HIKESHI: variants seen among roughly 807,000 people sequenced by gnomAD.
The protein encoded by HIKESHI is heat shock protein nuclear import factor hikeshi.
A neutral mutation model predicts 25.7 loss-of-function variants in HIKESHI; 13 were observed. The ratio of observed to expected loss-of-function variants is 0.51; its 90% confidence interval spans 0.33 to 0.80. HIKESHI has a LOEUF of 0.80. Ranked by LOEUF, HIKESHI falls within the 30% of genes least tolerant of loss-of-function variation. The pLI, the probability that HIKESHI is intolerant of heterozygous loss-of-function variation, is 0.02. For synonymous variants in HIKESHI, 76 were observed against 78.7 expected (o/e 0.97, Z 0.18); for missense variants, 174 against 229.5 (o/e 0.76, Z 1.56).
chr11:86,341,940 A>G (rs919958937), intron 3 of HIKESHI, among the ~76,000 whole-genome samples: 3 of 152,232 alleles, frequency 2.0e-5, no homozygotes, highest in Non-Finnish European at 2.9e-5. Context: ...ATGTTGATAC[A>G]TGGAATATAC....
intron 2 of HIKESHI, among the ~76,000 whole-genome samples, chr11:86,311,905 A>T (rs778009030): frequency 3.3e-5 from 5 of 152,116 alleles, no homozygotes; most frequent in Non-Finnish European, 7.4e-5. Flanking sequence ...TCTAGTTTGA[A>T]TGCCCTGTGG....
At position 86,311,021 on chromosome 11, in the gene HIKESHI, C is replaced by A. The variant is rs191187512; in HGVS notation, c.268+4539C>A. Reference sequence around the variant, plus strand: ...TCATCAGGGTTATTGGTCTAAAATTCTCTTTTTTTGTTGTCTCTGCTAGGC... The same window carrying A: ...TCATCAGGGTTATTGGTCTAAAATTATCTTTTTTTGTTGTCTCTGCTAGGC... On this transcript the variant is annotated intron_variant, in intron 2 of 4. Transcript: ENST00000278483. 6.3e-3 allele frequency among the ~76,000 whole-genome samples: 960 copies of A among 152,216 alleles called. 6 individuals carry two copies. The highest frequency in any genetic ancestry group is 0.022 in the African/African-American group (913 of 41,528).
At chr11:86,345,513 C>A in intron 4 of HIKESHI, 71 bp from the exon 5 acceptor site, 1 of 843,394 alleles carries the variant, frequency 1.2e-6, no homozygotes, top group South Asian at 1.6e-5. Context: ...TTGGATAAGT[C>A]ATTTGGCAGT....
chr11:86,308,618 G>A (rs1335022405), intron 2 of HIKESHI, among the ~76,000 whole-genome samples: 2 of 125,190 alleles, frequency 1.6e-5, no homozygotes, highest in Non-Finnish European at 3.3e-5. Flanking sequence ...TGTGCAGAAC[G>A]TGCAGGTTCA....
chr11:86,302,714 C>T (rs982664058), intron 1 of HIKESHI, among the ~76,000 whole-genome samples: 3 of 152,150 alleles, frequency 2.0e-5, no homozygotes, highest in Non-Finnish European at 2.9e-5. Context: ...CATTTTGTAC[C>T]AAGTACTGGG....
At chr11:86,345,223 T>C in intron 4 of HIKESHI, 2 of 809,636 alleles carry the variant, frequency 2.5e-6, no homozygotes, top group South Asian at 9.4e-5. Context: ...ATAATGTAGC[T>C]ATGTGACCCT....
chr11:86,338,543 T>C (rs1479553648), intron 3 of HIKESHI, among the ~76,000 whole-genome samples: 1 of 152,146 alleles, frequency 6.6e-6, no homozygotes, highest in Non-Finnish European at 1.5e-5. Context: ...ATCGAGGTAG[T>C]AGAAATTGAA....
chr11:86,338,095 AT>A (rs1199789646), intron 3 of HIKESHI, among the ~76,000 whole-genome samples: 1 of 152,200 alleles, frequency 6.6e-6, no homozygotes, highest in East Asian at 1.9e-4. Context: ...TGTATTCTCC[AT>A]GCTGTACAAT....
chr11:86,316,392 A>G (rs994061630), intron 2 of HIKESHI, among the ~76,000 whole-genome samples: 2 of 152,046 alleles, frequency 1.3e-5, no homozygotes, highest in African/African-American at 4.8e-5. Flanking sequence ...GGTGCTCGTA[A>G]TCCCAGCTAC....
chr11:86,341,181 G>C (rs1947716555), intron 3 of HIKESHI, among the ~76,000 whole-genome samples: 1 of 152,088 alleles, frequency 6.6e-6, no homozygotes, highest in East Asian at 1.9e-4. Context: ...TCACTTCCCT[G>C]CTTCCCAACA....
intron 2 of HIKESHI, among the ~76,000 whole-genome samples, chr11:86,330,329 A>G (rs188105117): frequency 9.8e-5 from 15 of 152,324 alleles, no homozygotes; most frequent in South Asian, 2.1e-4. Flanking sequence ...TATAATGACA[A>G]AAACTTCAGG....
intron 1 of HIKESHI, chr11:86,303,276 T>C (rs766450899): frequency 1.8e-4 from 66 of 359,950 alleles, no homozygotes; most frequent in Non-Finnish European, 1.8e-4. Flanking sequence ...CCTGGCTTTT[T>C]AAAATGTTGC....
intron 2 of HIKESHI, among the ~76,000 whole-genome samples, chr11:86,327,958 T>C (rs1030479000): frequency 2.0e-5 from 3 of 152,188 alleles, no homozygotes. Context: ...TAATGGATCA[T>C]GATTGTCATG....
At chr11:86,337,977 A>C (rs1947616375) in intron 3 of HIKESHI, among the ~76,000 whole-genome samples, 1 of 152,108 alleles carries the variant, frequency 6.6e-6, no homozygotes, top group Non-Finnish European at 1.5e-5. Flanking sequence ...TTTTGACATA[A>C]AATCAAGCTA....
At chr11:86,314,722 A>C (rs1401478177) in intron 2 of HIKESHI, among the ~76,000 whole-genome samples, 1 of 152,222 alleles carries the variant, frequency 6.6e-6, no homozygotes, top group Non-Finnish European at 1.5e-5. Flanking sequence ...AATTTTAAGG[A>C]GCAGATTAAG....
At chr11:86,319,229 T>C (rs1947080821) in intron 2 of HIKESHI, among the ~76,000 whole-genome samples, 1 of 88,292 alleles carries the variant, frequency 1.1e-5, no homozygotes, top group African/African-American at 5.5e-5. Flanking sequence ...TATATATATA[T>C]ATATATATAT....
intron 2 of HIKESHI, among the ~76,000 whole-genome samples, chr11:86,308,038 T>G (rs1392209364): frequency 8.0e-6 from 1 of 124,870 alleles, no homozygotes; most frequent in Non-Finnish European, 1.6e-5. Context: ...AATATATAAT[T>G]ATATATAAAT....
intron 1 of HIKESHI, among the ~76,000 whole-genome samples, chr11:86,302,750 AC>A (rs1343370900): frequency 3.9e-5 from 6 of 152,132 alleles, no homozygotes; most frequent in Admixed American, 3.9e-4. Flanking sequence ...GCCTTTGGTC[AC>A]TCAGCCTTAT....
chr11:86,330,901 T>C lies in HIKESHI; in HGVS notation c.269-6478T>C, dbSNP rs1450797381. Among the ~76,000 whole-genome samples the C allele has an allele frequency of 7.2e-5, 11 of 152,246 alleles. No individual in the cohort carries two copies. The East Asian group carries it at 2.1e-3, about 29-fold the overall frequency. ...TCAACTGAATATTGGTTTCCACTTA[T>C]AACAACATAAACATCTGTTAAAACC... On this transcript the variant is annotated intron_variant, in intron 2 of 4. Transcript: ENST00000278483.
Sources: gnomAD v4.1 joint callset for allele counts (sites outside exome capture counted in the v4.1 genomes callset) on GRCh38, gnomAD v4.1.1 for gene constraint, MANE v1.5 for transcripts, NCBI Gene and HGNC (gene_info 2026-07-23, HGNC 2026-07-21) for gene names.